Variants in SLC17A9 observed in about 807,000 individuals in gnomAD.
The protein encoded by SLC17A9 is solute carrier family 17 member 9, also known as voltage-gated purine nucleotide uniporter SLC17A9.
In SLC17A9, 49 loss-of-function variants were observed where a neutral mutation model predicts 55.0. That is an observed-to-expected ratio of 0.89 (90% CI 0.71 to 1.13). The LOEUF (loss-of-function observed/expected upper bound fraction) is 1.13, where lower values mean the gene tolerates loss of function less well. Among genes scored for constraint, SLC17A9 ranks in the 50% most tolerant of loss-of-function variants. The pLI is 0.00. For synonymous variants in SLC17A9, 256 were observed against 247.4 expected (o/e 1.03, Z -0.32); for missense variants, 526 against 569.3 (o/e 0.92, Z 0.77).
chr20:62,963,844 T>C, intron 7 of SLC17A9, 164 bp downstream of exon 7: 1 of 664,882 alleles, frequency 1.5e-6, no homozygotes, highest in South Asian at 1.9e-5. Flanking sequence ...GAGGACCCCG[T>C]CCATGCTCGG....
intron 1 of SLC17A9, among the ~76,000 whole-genome samples, chr20:62,954,951 G>T (rs1460966782): frequency 6.6e-6 from 1 of 152,066 alleles, no homozygotes; most frequent in East Asian, 1.9e-4. Context: ...CTGGACACAG[G>T]TCCCCCACCT....
In SLC17A9 at chr20:62,963,383, T is replaced by C. The variant is rs1416656722; in HGVS notation, c.725+14T>C. 5 of 1,611,622 alleles carry C rather than the reference T, an allele frequency of 3.1e-6. No individual in the cohort carries two copies. The highest frequency in any genetic ancestry group is 1.3e-5 in the African/African-American group (1 of 75,032). On this transcript the variant is annotated intron_variant, in intron 6 of 12. Transcript: ENST00000370351. ...GCCTGCTGTCTGGTGAGCTGGGACC[T>C]GTGCCACCCCTTGGAGCAGCGGCAG...
In SLC17A9 at chr20:62,967,836, G is replaced by A. The variant is rs577231879; in HGVS notation, c.*336G>A. 8 of 197,628 alleles carry A rather than the reference G, an allele frequency of 4.0e-5. No individual in the cohort carries two copies. In the East Asian group the frequency reaches 7.7e-4, roughly 19 times the overall value. The allele number at this position is 197,628 out of a possible 1,614,324, so 12.2% of individuals were successfully genotyped here. A position where few individuals can be genotyped will look rare whatever the true frequency, so the allele number is the denominator to read the frequency against. ...TCATTCCCACCACGATCTGTTCCGC[G>A]TGGTTCCCGCCAAACCTCCCTCGGT... On this transcript the variant is annotated 3_prime_UTR_variant, in exon 13 of 13. Coordinates refer to ENST00000370351, the MANE Select transcript of SLC17A9 (RefSeq NM_022082.4).
At chr20:62,964,147 G>T in intron 7 of SLC17A9, 81 bp from the exon 8 acceptor site, 1 of 1,414,308 alleles carries the variant, frequency 7.1e-7, no homozygotes, top group South Asian at 1.1e-5. Flanking sequence ...GGGCACGGGG[G>T]CGCTGTCCAG....
intron 3 of SLC17A9, among the ~76,000 whole-genome samples, chr20:62,960,163 G>A (rs546565367): frequency 6.6e-6 from 1 of 152,222 alleles, no homozygotes; most frequent in South Asian, 2.1e-4. Context: ...GTGTGCAGGC[G>A]CATGTGTGTG....
chr20:62,952,973 G>A (rs1321527494), intron 1 of SLC17A9, 84 bp downstream of exon 1: 8 of 1,374,936 alleles, frequency 5.8e-6, no homozygotes, highest in East Asian at 2.5e-5. Context: ...CACGTGGGAC[G>A]ATGCTAGGTG....
At chr20:62,964,065 G>A (rs1037580754) in intron 7 of SLC17A9, 163 bp from the exon 8 acceptor site, 6 of 725,834 alleles carry the variant, frequency 8.3e-6, no homozygotes, top group African/African-American at 7.0e-5. Flanking sequence ...CTGCCCTGCC[G>A]GGTGGTGGTC....
At chr20:62,966,427 C>A in intron 10 of SLC17A9, 98 bp from the exon 11 acceptor site, 2 of 1,378,120 alleles carry the variant, frequency 1.5e-6, no homozygotes. Flanking sequence ...CCTCCCGTGG[C>A]TCCACGAGAC....
At position 62,956,369 on chromosome 20, in the gene SLC17A9, G is replaced by T. The variant is rs1225907128; in HGVS notation, c.60-396G>T. 3.3e-5 allele frequency among the ~76,000 whole-genome samples: 5 copies of T among 152,166 alleles called. No individual in the cohort carries two copies. In the East Asian group the frequency reaches 7.7e-4, roughly 23 times the overall value. On this transcript the variant is annotated intron_variant, in intron 1 of 12. Transcript: ENST00000370351. ...AGCCAGCTCCCCGCAGGGGCAGACA[G>T]GACCTTTTGGGAAGGGTGGGGTGAG...
intron 2 of SLC17A9, 25 bp downstream of exon 2, chr20:62,956,987 C>G (rs1187096047): frequency 1.2e-6 from 2 of 1,612,786 alleles, no homozygotes; most frequent in Non-Finnish European, 1.7e-6. Context: ...TCCCCATCTC[C>G]TGGCTGGTGG....
At chr20:62,960,943 C>T (rs2065584239) in intron 4 of SLC17A9, among the ~76,000 whole-genome samples, 1 of 152,238 alleles carries the variant, frequency 6.6e-6, no homozygotes, top group Non-Finnish European at 1.5e-5. Context: ...ATCCGCTGGC[C>T]CCCACCCTCG....
At chr20:62,960,645 G>T in intron 4 of SLC17A9, 42 bp downstream of exon 4, 1 of 1,572,444 alleles carries the variant, frequency 6.4e-7, no homozygotes, top group Non-Finnish European at 8.6e-7. Flanking sequence ...AGGCCACCAG[G>T]TGAGCCCCTT....
Position 62,958,614 on chromosome 20 carries a change from C to T in SLC17A9, c.397+1034C>T, listed in dbSNP as rs1006444323. 6.6e-6 allele frequency among the ~76,000 whole-genome samples: 1 copy of T among 152,066 alleles called. No homozygotes were observed. Among genetic ancestry groups the T allele is most frequent in the Non-Finnish European group, 1.5e-5 (1 of 67,972 alleles). ...ATCCAGACCCCCCACTCAGGACTCC[C>T]CCTACCTTCCTGAGCCGGCATCAGG... On this transcript the variant is annotated intron_variant, in intron 3 of 12. Coordinates refer to ENST00000370351, the MANE Select transcript of SLC17A9 (RefSeq NM_022082.4). This position sits in a 1 kb window ranked among gnomAD's most constrained non-coding sequence, Gnocchi z 4.1.
intron 4 of SLC17A9, 109 bp downstream of exon 4, chr20:62,960,712 A>G (rs1484571940): frequency 8.3e-6 from 9 of 1,084,642 alleles, no homozygotes; most frequent in Non-Finnish European, 1.1e-5. Flanking sequence ...CAGGGCCACC[A>G]TGGTGAGGTG....
rs529245853 is a variant in SLC17A9 at position 62,956,548 on chromosome 20, A to G, written c.60-217A>G. On this transcript the variant is annotated intron_variant, in intron 1 of 12. Transcript: ENST00000370351. ...GAGTGCTGGCCACTCAGTTGCTCCC[A>G]GGAGCCACTGTGCCTCATTTCTGGC... 2.0e-5 allele frequency among the ~76,000 whole-genome samples: 3 copies of G among 152,252 alleles called. No homozygotes were observed. The South Asian group carries it at 6.2e-4, about 32-fold the overall frequency.
chr20:62,956,997 G>C (rs1238565611), intron 2 of SLC17A9, 35 bp downstream of exon 2: 2 of 1,611,872 alleles, frequency 1.2e-6, no homozygotes, highest in South Asian at 2.2e-5. Flanking sequence ...CTGGCTGGTG[G>C]GGGCCGCCCC....
At chr20:62,967,017 G>A in intron 12 of SLC17A9, 1 of 578,198 alleles carries the variant, frequency 1.7e-6, no homozygotes, top group East Asian at 2.9e-5. Context: ...CCCGCTGAGT[G>A]CCATGGATGA....
At chr20:62,952,912 G>A (rs768608139) in intron 1 of SLC17A9, 23 bp downstream of exon 1, 5 of 1,432,216 alleles carry the variant, frequency 3.5e-6, no homozygotes, top group South Asian at 1.3e-5. Flanking sequence ...TGAGGGGAGG[G>A]GGGGTGGGAG....
intron 1 of SLC17A9, among the ~76,000 whole-genome samples, chr20:62,954,005 G>A (rs370745853): frequency 1.3e-5 from 2 of 152,346 alleles, no homozygotes; most frequent in East Asian, 3.9e-4. Context: ...CTCCTCACTG[G>A]CGGCTGGTTT....
Sources: gnomAD v4.1 joint callset for allele counts (sites outside exome capture counted in the v4.1 genomes callset) on GRCh38, gnomAD v4.1.1 for gene constraint, Gnocchi (gnomAD v3.1) non-coding constraint, MANE v1.5 for transcripts, NCBI Gene and HGNC (gene_info 2026-07-23, HGNC 2026-07-21) for gene names.